The following UST variants were observed in gnomAD, a reference collection of about 807,000 sequenced individuals.
UST encodes the protein uronyl 2-sulfotransferase.
UST carries 21 observed loss-of-function variants against 45.6 expected under a neutral mutation model. That is an observed-to-expected ratio of 0.46 (90% confidence interval 0.33 to 0.66). The LOEUF is 0.66. Among genes scored for constraint, UST ranks in the 30% least tolerant of loss-of-function variants. The pLI is 0.02. For missense variants in UST, 463 were observed against 512.4 expected, an observed-to-expected ratio of 0.90 and a Z score of 0.93; for synonymous variants, 215 against 200.6, an observed-to-expected ratio of 1.07 and a Z score of -0.61.
At chr6:148,824,269 AC>A (rs1195883346) in intron 1 of UST, among the ~76,000 whole-genome samples, 3 of 152,162 alleles carry the variant, frequency 2.0e-5, no homozygotes, top group Admixed American at 1.3e-4. Context: ...GTGTTGGATA[AC>A]CCTGGGTGTT....
chr6:149,055,131 G>C (rs1582979538), intron 7 of UST, among the ~76,000 whole-genome samples: 2 of 152,192 alleles, frequency 1.3e-5, no homozygotes, highest in East Asian at 3.9e-4. Context: ...AGCCATTTGA[G>C]AGTAAAGGTT....
chr6:148,807,587 G>T (rs867775239), intron 1 of UST, among the ~76,000 whole-genome samples: 3 of 152,152 alleles, frequency 2.0e-5, no homozygotes, highest in Admixed American at 6.5e-5. Context: ...GAGACAGGGG[G>T]CTGGAGCAGT....
intron 2 of UST, among the ~76,000 whole-genome samples, chr6:148,912,578 C>A (rs950798702): frequency 1.3e-5 from 2 of 152,180 alleles, no homozygotes; most frequent in Admixed American, 6.5e-5. Flanking sequence ...GTAATGGCTT[C>A]CATAATTTAT....
At chr6:148,873,240 G>A (rs1384102954) in intron 1 of UST, among the ~76,000 whole-genome samples, 2 of 152,168 alleles carry the variant, frequency 1.3e-5, no homozygotes, top group African/African-American at 2.4e-5. Context: ...CAGCCATCTT[G>A]TAGCTAACCG....
At chr6:148,800,990 C>T (rs1418431941) in intron 1 of UST, among the ~76,000 whole-genome samples, 1 of 152,038 alleles carries the variant, frequency 6.6e-6, no homozygotes, top group African/African-American at 2.4e-5. Context: ...AAATCAAATT[C>T]AAAGAGCAAC....
At chr6:149,006,802 A>G (rs913817700) in intron 5 of UST, among the ~76,000 whole-genome samples, 15 of 152,152 alleles carry the variant, frequency 9.9e-5, no homozygotes, top group African/African-American at 3.6e-4. Flanking sequence ...CTGGTGTGAG[A>G]TGGTATATCA....
chr6:148,967,666 G>A (rs544458822), intron 5 of UST, among the ~76,000 whole-genome samples: 141 of 152,258 alleles, frequency 9.3e-4, no homozygotes, highest in African/African-American at 2.7e-3. Flanking sequence ...CCTCCTTGCC[G>A]GCCACCCCTC....
intron 1 of UST, among the ~76,000 whole-genome samples, chr6:148,852,081 C>G (rs1016860242): frequency 3.3e-5 from 5 of 152,214 alleles, no homozygotes. Flanking sequence ...AACCAGCAAT[C>G]ATGCTCTTTC....
intron 4 of UST, among the ~76,000 whole-genome samples, chr6:148,961,183 T>G (rs1343237971): frequency 6.6e-6 from 1 of 151,708 alleles, no homozygotes; most frequent in Admixed American, 6.6e-5. Flanking sequence ...CCCAGAGGAG[T>G]GCTTACAGAG....
chr6:148,909,307 G>T (rs1779431178), intron 2 of UST, among the ~76,000 whole-genome samples: 2 of 152,122 alleles, frequency 1.3e-5, no homozygotes, highest in Non-Finnish European at 2.9e-5. Context: ...ATTTGCCTTT[G>T]GTCCTGAGCA....
chr6:149,072,207 CA>C (rs1360614251), intron 7 of UST, among the ~76,000 whole-genome samples: 1 of 152,094 alleles, frequency 6.6e-6, no homozygotes, highest in African/African-American at 2.4e-5. Context: ...GGCATATACC[CA>C]AAATAAGTGG....
At chr6:148,781,364 A>T (rs9498157) in intron 1 of UST, among the ~76,000 whole-genome samples, 7,895 of 152,234 alleles carry the variant, frequency 0.052, 511 homozygotes, top group African/African-American at 0.15. Flanking sequence ...ACATTGCGTT[A>T]AGCCAAAGCC....
intron 3 of UST, among the ~76,000 whole-genome samples, chr6:148,942,921 T>G (rs1780157023): frequency 6.6e-6 from 1 of 152,184 alleles, no homozygotes; most frequent in Admixed American, 6.5e-5. Context: ...CAAAAAATAT[T>G]TTAAGGTTAT....
chr6:148,959,036 T>A (rs988304845), intron 4 of UST: 6 of 152,116 alleles, frequency 3.9e-5, no homozygotes, highest in Non-Finnish European at 5.9e-5. Context: ...CCGGTGCCAA[T>A]AGTAACTTGC....
chr6:149,063,725 T>G (rs978416041), intron 7 of UST, among the ~76,000 whole-genome samples: 2 of 152,224 alleles, frequency 1.3e-5, no homozygotes, highest in African/African-American at 2.4e-5. Flanking sequence ...TCTGATGGTT[T>G]CTTTTGTTCC....
At chr6:148,747,704 C>A in intron 1 of UST, 27 bp downstream of exon 1, 1 of 1,559,754 alleles carries the variant, frequency 6.4e-7, no homozygotes, top group Non-Finnish European at 8.7e-7. Flanking sequence ...GGCGCTAGGG[C>A]GGCGCCGACA....
intron 1 of UST, among the ~76,000 whole-genome samples, chr6:148,880,727 G>A (rs1055563959): frequency 6.6e-6 from 1 of 152,134 alleles, no homozygotes; most frequent in East Asian, 1.9e-4. Flanking sequence ...CTTCTAGTCA[G>A]GTCATTTAAA....
In UST at chr6:148,747,617, C is replaced by T. The variant is rs748903730; in HGVS notation, c.187C>T (p.Leu63Phe). Reference sequence around the variant, plus strand: ...CCTGCTGGTCTTCTGCCTGGGCTCCCTCCTCTATCAGCTCAGCGGGGGACC... The same window carrying T: ...CCTGCTGGTCTTCTGCCTGGGCTCCTTCCTCTATCAGCTCAGCGGGGGACC... Reference protein sequence around the residue: ...ATLLVFCLGSLLYQLSGGPPR... With the variant: ...ATLLVFCLGSFLYQLSGGPPR... Residue 63 changes from leucine to phenylalanine, a missense_variant, in exon 1 of 8, where the codon CTC becomes TTC. Around this residue, in one of 2 missense-constraint regions of UST, gnomAD observed 176 missense variants for 138.3 expected, o/e 1.27. Coordinates refer to ENST00000367463, the MANE Select transcript of UST (RefSeq NM_005715.3). The T allele has an allele frequency of 1.8e-5, 29 of 1,603,290 alleles. No homozygotes were observed. The Middle Eastern group carries it at 5.0e-4, about 28-fold the overall frequency.
At chr6:148,763,018 C>G (rs1187966555) in intron 1 of UST, among the ~76,000 whole-genome samples, 6 of 152,168 alleles carry the variant, frequency 3.9e-5, no homozygotes, top group Non-Finnish European at 8.8e-5. Flanking sequence ...CGTAGATACC[C>G]AGTAGTGGGA....
Sources: gnomAD v4.1 joint callset for allele counts (sites outside exome capture counted in the v4.1 genomes callset) on GRCh38, gnomAD v4.1.1 for gene constraint, gnomAD v4.1.1 regional missense constraint, MANE v1.5 for transcripts, NCBI Gene and HGNC (gene_info 2026-07-23, HGNC 2026-07-21) for gene names.